The following AKAP13 variants were observed in gnomAD, a reference collection of about 807,000 sequenced individuals.
AKAP13 encodes the protein A-kinase anchoring protein 13.
AKAP13 carries 80 observed loss-of-function variants against 264.5 expected under a neutral mutation model. The observed-to-expected ratio is 0.30, with a 90% CI of 0.25 to 0.36. AKAP13 has a LOEUF of 0.36. AKAP13 is among the 10% of genes least tolerant of loss of function. The pLI, the probability that AKAP13 is intolerant of heterozygous loss-of-function variation, is 1.00. For missense variants in AKAP13, 3,712 were observed against 3,435.2 expected, an observed-to-expected ratio of 1.08 and a Z score of -2.01; for synonymous variants, 1,380 against 1,250.2, an observed-to-expected ratio of 1.10 and a Z score of -2.19.
chr15:85,533,768 A>T lies in AKAP13; in HGVS notation c.366A>T (p.Ser122=), dbSNP rs142870042. 1.2e-6 allele frequency: 2 copies of T among 1,613,950 alleles called. No individual in the cohort carries two copies. Among genetic ancestry groups the T allele is most frequent in the African/African-American group, 2.7e-5 (2 of 74,926 alleles). The change falls in exon 4 of 37, where the codon TCA becomes TCT. Residue 122 remains serine (S), a synonymous_variant. Transcript: ENST00000394518. ...ALNFTRFLDQ[S]GPPSGDVNSL... is the part of the protein sequence containing the mutation. ...ACTTTACCCGTTTTCTTGACCAGTC[A>T]GGACCCCCATCTGGGGATGTGAATT... is the stretch of plus-strand genomic sequence containing the variant.
intron 3 of AKAP13, among the ~76,000 whole-genome samples, chr15:85,528,591 A>G (rs891321172): frequency 2.6e-5 from 4 of 152,188 alleles, no homozygotes; most frequent in African/African-American, 9.7e-5. Context: ...TTCAAGGTTG[A>G]ATGACTTTCT....
chr15:85,744,549 G>T, intron 36 of AKAP13, 79 bp from the exon 37 acceptor site: 2 of 1,483,244 alleles, frequency 1.3e-6, no homozygotes, highest in South Asian at 2.3e-5. Context: ...CATTACAGAA[G>T]ACTTTGGGAT....
chr15:85,543,783 C>T lies in AKAP13; in HGVS notation c.490C>T (p.Arg164Ter), dbSNP rs576412136. 4 of 1,604,120 alleles carry T rather than the reference C, an allele frequency of 2.5e-6. No homozygotes were observed. Among genetic ancestry groups the T allele is most frequent in the Admixed American group, 1.7e-5 (1 of 58,278 alleles). The change falls in exon 5 of 37, where the codon CGA becomes TGA. Residue 164 changes from arginine (R) to a stop codon, truncating the protein, a stop_gained. Transcript: ENST00000394518. LOFTEE classifies it high-confidence loss of function. ...TDQSLHDAGP[R>*]ETLMHFAVRL... is the part of the protein sequence containing the mutation. ...TCCCCCATTTACAGATGCTGGCCCGCGAGAGACATTGATGCATTTTGCTGT... is the reference window on the plus strand; with the variant it reads ...TCCCCCATTTACAGATGCTGGCCCGTGAGAGACATTGATGCATTTTGCTGT...
chr15:85,437,092 AAGAG>A lies in AKAP13; in HGVS notation c.-11-48614_-11-48611del, dbSNP rs1194845871. ...CACTAGCAAGACTAATAAAGAAAAAAAGAGAGAAGAATCAAATAGACACAATAAA... is the reference window on the plus strand; with the variant it reads ...CACTAGCAAGACTAATAAAGAAAAAAAGAAGAATCAAATAGACACAATAAA... On this transcript the variant is annotated intron_variant, in intron 1 of 36. Transcript: ENST00000394518. Among the ~76,000 whole-genome samples, 56 of 148,032 alleles carry A rather than the reference AAGAG, an allele frequency of 3.8e-4. No homozygotes were observed. In the South Asian group the frequency reaches 5.7e-3, roughly 15 times the overall value.
intron 16 of AKAP13, among the ~76,000 whole-genome samples, chr15:85,691,179 G>A (rs1171127349): frequency 6.6e-6 from 1 of 152,132 alleles, no homozygotes; most frequent in African/African-American, 2.4e-5. Flanking sequence ...CCATTTTCCT[G>A]GAATTTTTTT....
chr15:85,473,762 G>T (rs1796811224), intron 1 of AKAP13, among the ~76,000 whole-genome samples: 1 of 152,138 alleles, frequency 6.6e-6, no homozygotes, highest in Non-Finnish European at 1.5e-5. Flanking sequence ...TGCTAGCCAG[G>T]GGCCTCCCTC....
In AKAP13 at chr15:85,498,648, C is replaced by T. The variant is rs182335215; in HGVS notation, c.33+12895C>T. On this transcript the variant is annotated intron_variant, in intron 2 of 36. Coordinates refer to ENST00000394518, the MANE Select transcript of AKAP13 (RefSeq NM_007200.5). Reference sequence around the variant, plus strand: ...TAGAGGTTGTCTTTGGCACTGAACTCTATTTACCATCTCTTTTTCAAATGT... The same window carrying T: ...TAGAGGTTGTCTTTGGCACTGAACTTTATTTACCATCTCTTTTTCAAATGT... Among the ~76,000 whole-genome samples the T allele has an allele frequency of 1.4e-4, 21 of 152,144 alleles. No homozygotes were observed. In the East Asian group the frequency reaches 3.7e-3, roughly 27 times the overall value.
intron 8 of AKAP13, among the ~76,000 whole-genome samples, chr15:85,635,908 C>G (rs2082050853): frequency 6.6e-6 from 1 of 152,158 alleles, no homozygotes; most frequent in Non-Finnish European, 1.5e-5. Context: ...TGTGGATTCT[C>G]TCTTCTCTGC....
intron 1 of AKAP13, among the ~76,000 whole-genome samples, chr15:85,443,218 A>G (rs1347461771): frequency 6.6e-6 from 1 of 150,552 alleles, no homozygotes; most frequent in African/African-American, 2.4e-5. Context: ...CTTATGTCCT[A>G]CTCAAATTAA....
At chr15:85,479,218 A>G (rs140011568) in intron 1 of AKAP13, among the ~76,000 whole-genome samples, 1 of 152,306 alleles carries the variant, frequency 6.6e-6, no homozygotes, top group African/African-American at 2.4e-5. Flanking sequence ...TCATATTCCC[A>G]GCCTCCCCAA....
chr15:85,585,581 A>G (rs1055594992), intron 7 of AKAP13, 121 bp from the exon 8 acceptor site: 16 of 1,365,060 alleles, frequency 1.2e-5, no homozygotes, highest in Admixed American at 1.9e-5. Context: ...ACAAAAGAAT[A>G]CTTTTCCATT....
At chr15:85,744,182 CTG>C (rs1434936719) in intron 36 of AKAP13, 2 of 305,320 alleles carry the variant, frequency 6.6e-6, no homozygotes, top group Non-Finnish European at 1.2e-5. Context: ...CCTCAAATGA[CTG>C]TATGAAGTTG....
At chr15:85,670,190 G>A (rs1253066589) in intron 14 of AKAP13, among the ~76,000 whole-genome samples, 3 of 152,042 alleles carry the variant, frequency 2.0e-5, no homozygotes, top group South Asian at 2.1e-4. Flanking sequence ...TATTCTTCAC[G>A]TCCAGTCCTC....
At chr15:85,520,763 T>C (rs763963440) in intron 2 of AKAP13, 8 of 514,254 alleles carry the variant, frequency 1.6e-5, no homozygotes, top group Admixed American at 1.4e-4. Context: ...CAGTCATGTG[T>C]TGTTTAAACT....
chr15:85,550,413 A>T lies in AKAP13; in HGVS notation c.662+6458A>T, dbSNP rs902971106. On this transcript the variant is annotated intron_variant, in intron 5 of 36. Transcript: ENST00000394518. ...GTCATGATTTACTGTAGTGGGCACT[A>T]TTGGCCCCTCTCAAAGGGTTTGTGC... Among the ~76,000 whole-genome samples, 4 of 152,194 alleles carry T rather than the reference A, an allele frequency of 2.6e-5. No homozygotes were observed. In the South Asian group the frequency reaches 6.2e-4, roughly 24 times the overall value.
chr15:85,466,304 G>A (rs1429908871), intron 1 of AKAP13, among the ~76,000 whole-genome samples: 2 of 151,988 alleles, frequency 1.3e-5, no homozygotes, highest in African/African-American at 2.4e-5. Context: ...TTTGTAGGTT[G>A]CCTGTTCACT....
chr15:85,479,685 A>ATG (rs2075291146), intron 1 of AKAP13, among the ~76,000 whole-genome samples: 1 of 152,174 alleles, frequency 6.6e-6, no homozygotes, highest in Non-Finnish European at 1.5e-5. Context: ...CTTAGAAAAT[A>ATG]TGCTGAGATC....
chr15:85,456,610 C>T (rs534286404), intron 1 of AKAP13, among the ~76,000 whole-genome samples: 52 of 144,814 alleles, frequency 3.6e-4, no homozygotes, highest in Admixed American at 7.7e-4. Context: ...AGTGCAGTGG[C>T]GCAATCTTGG....
intron 17 of AKAP13, chr15:85,702,237 A>ACT (rs1424572487): frequency 1.9e-5 from 2 of 106,826 alleles, no homozygotes; most frequent in African/African-American, 7.1e-5. Flanking sequence ...ACAGAGCAAG[A>ACT]CTCACACACA....
Sources: gnomAD v4.1 joint callset for allele counts (sites outside exome capture counted in the v4.1 genomes callset) on GRCh38, gnomAD v4.1.1 for gene constraint, MANE v1.5 for transcripts, NCBI Gene and HGNC (gene_info 2026-07-23, HGNC 2026-07-21) for gene names.